GALK2: variants seen among roughly 807,000 people sequenced by gnomAD.
GALK2 encodes the protein galactokinase 2.
GALK2 carries 36 observed loss-of-function variants against 52.4 expected under a neutral mutation model. The ratio of observed to expected loss-of-function variants is 0.69; its 90% confidence interval spans 0.53 to 0.91. The LOEUF is 0.91. GALK2 is among the 40% of genes least tolerant of loss of function. The pLI, the probability that GALK2 is intolerant of heterozygous loss-of-function variation, is 0.00. For missense variants in GALK2, 579 were observed against 559.1 expected (o/e 1.04, Z -0.36); for synonymous variants, 176 against 199.1 (o/e 0.88, Z 0.98).
intron 2 of GALK2, among the ~76,000 whole-genome samples, chr15:49,212,760 G>A (rs2089031720): frequency 6.6e-6 from 1 of 151,992 alleles, no homozygotes; most frequent in Admixed American, 6.5e-5. Flanking sequence ...TTGGCCCACT[G>A]GTCATTCAGG....
chr15:49,156,953 C>G (rs2084478422), intron 1 of GALK2: 1 of 350,410 alleles, frequency 2.9e-6, no homozygotes, highest in South Asian at 2.4e-5. Flanking sequence ...GTTTAATGCT[C>G]TCATTGTGAG....
At chr15:49,225,238 G>A in intron 3 of GALK2, 1 of 455,970 alleles carries the variant, frequency 2.2e-6, no homozygotes, top group South Asian at 1.5e-5. Flanking sequence ...TCAGGCAGAG[G>A]CTATGACCTG....
At position 49,239,365 on chromosome 15, in the gene GALK2, A is replaced by C; in HGVS notation, c.502A>C (p.Lys168Gln). Residue 168 changes from lysine (K) to glutamine (Q), a missense_variant and splice_region_variant, in exon 5 of 10, where the codon AAG becomes CAG. Physicochemically the swap from Lys to Gln is moderately conservative, Grantham distance 53 (BLOSUM62 1). Transcript: ENST00000560031. ...CACAGTGCTGGGAAGGAATCTATCC[A>C]AGGTAACTACCTTTGATAGGAAACC... ...TLTVLGRNLS[K>Q]VELAEICAKS... is the part of the protein sequence containing the mutation. 1.2e-6 allele frequency: 2 copies of C among 1,613,756 alleles called. No homozygotes were observed. The highest frequency in any genetic ancestry group is 1.7e-6 in the Non-Finnish European group (2 of 1,179,802).
At chr15:49,256,493 T>C (rs998778314) in intron 5 of GALK2, among the ~76,000 whole-genome samples, 1 of 152,198 alleles carries the variant, frequency 6.6e-6, no homozygotes, top group Non-Finnish European at 1.5e-5. Context: ...GTTTCTCTAG[T>C]CATGTAGTTA....
chr15:49,224,310 T>C (rs984542152), intron 3 of GALK2, among the ~76,000 whole-genome samples: 3 of 152,226 alleles, frequency 2.0e-5, no homozygotes, highest in African/African-American at 7.2e-5. Flanking sequence ...ACTCTGTTGA[T>C]AGTTTCTTTC....
At chr15:49,220,002 G>A (rs1246324461) in intron 3 of GALK2, among the ~76,000 whole-genome samples, 1 of 143,338 alleles carries the variant, frequency 7.0e-6, no homozygotes, top group African/African-American at 2.6e-5. Context: ...TATATTCTTT[G>A]TTGAAGCGTC....
At chr15:49,361,799 T>A (rs1233035736) in intron 3 of GALK2, among the ~76,000 whole-genome samples, 1 of 152,088 alleles carries the variant, frequency 6.6e-6, no homozygotes, top group Non-Finnish European at 1.5e-5. Flanking sequence ...AATTCTGCTT[T>A]CAGTTCTTTG....
chr15:49,348,553 C>T (rs887549600), intron 3 of GALK2, among the ~76,000 whole-genome samples: 2 of 152,178 alleles, frequency 1.3e-5, no homozygotes, highest in African/African-American at 4.8e-5. Flanking sequence ...AATTTTGGAG[C>T]ACCTCACAGA....
At chr15:49,248,388 T>G (rs1043618031) in intron 5 of GALK2, among the ~76,000 whole-genome samples, 19 of 152,188 alleles carry the variant, frequency 1.2e-4, no homozygotes, top group Non-Finnish European at 2.5e-4. Context: ...AAATAGTAGT[T>G]TAAACCATTC....
rs770229502 is a variant in GALK2, at chr15:49,292,548, T to C, written c.967+11T>C. 1.2e-6 allele frequency: 2 copies of C among 1,608,338 alleles called. No homozygotes were observed. The highest frequency in any genetic ancestry group is 1.7e-5 in the Admixed American group (1 of 59,858). On this transcript the variant is annotated intron_variant, in intron 8 of 9. Transcript: ENST00000560031. ...CAAACACTCAAGATGGTGAGTTGGC[T>C]GGAGAAAGTATGATATATGTTATTC...
intron 4 of GALK2, among the ~76,000 whole-genome samples, chr15:49,236,970 A>C (rs2090845240): frequency 6.6e-6 from 1 of 152,208 alleles, no homozygotes; most frequent in Admixed American, 6.6e-5. Context: ...CCTTTCTCTC[A>C]GACACATGGT....
intron 2 of GALK2, among the ~76,000 whole-genome samples, chr15:49,214,575 C>T (rs1433382559): frequency 1.3e-5 from 2 of 151,150 alleles, no homozygotes; most frequent in African/African-American, 2.4e-5. Context: ...CTCCTGACCT[C>T]GTGATCTTCC....
chr15:49,300,319 C>T (rs1388533127), intron 8 of GALK2, among the ~76,000 whole-genome samples: 1 of 151,940 alleles, frequency 6.6e-6, no homozygotes. Context: ...TACTTTGAGC[C>T]TACATGTGTC....
chr15:49,218,579 G>T (rs565506729), intron 3 of GALK2, among the ~76,000 whole-genome samples: 1 of 152,116 alleles, frequency 6.6e-6, no homozygotes, highest in Non-Finnish European at 1.5e-5. Flanking sequence ...CCTGCTAGAG[G>T]CAGGAGGCTT....
rs183088402 is a variant in GALK2, at chr15:49,292,398, G to T, written c.828G>T (p.Gly276=). The change falls in exon 8 of 10, where the codon GGG becomes GGT. Residue 276 remains glycine, a synonymous_variant. Transcript: ENST00000560031. The stretch of plus-strand genomic sequence containing the variant: ...TGGAGGAGGTGCAGGCTAAACTAGG[G>T]ATTAGTCTAGAAGAAATGCTGTTGG... The part of the protein sequence containing the change: ...LRLEEVQAKL[G]ISLEEMLLVT... 1 of 1,613,986 alleles carries T rather than the reference G, an allele frequency of 6.2e-7. No individual in the cohort carries two copies. The highest frequency in any genetic ancestry group is 1.1e-5 in the South Asian group (1 of 91,078).
chr15:49,158,819 G>A (rs2084542746), intron 1 of GALK2: 1 of 114,934 alleles, frequency 8.7e-6, no homozygotes. Flanking sequence ...AGCAGCATAG[G>A]TCAATATTTG....
At chr15:49,195,256 A>G (rs1339176951) in intron 1 of GALK2, 3 of 334,288 alleles carry the variant, frequency 9.0e-6, no homozygotes, top group Non-Finnish European at 1.8e-5. Flanking sequence ...TATTTTTAGT[A>G]GAGATGGTGT....
At chr15:49,354,504 G>T (rs921599201) in intron 3 of GALK2, among the ~76,000 whole-genome samples, 16 of 152,188 alleles carry the variant, frequency 1.1e-4, no homozygotes, top group Non-Finnish European at 7.3e-5. Context: ...CTGGAAAATC[G>T]TGTCACTCCC....
chr15:49,285,977 T>TGAGACTCATTCTCATCTCA (rs2033308927), intron 7 of GALK2, among the ~76,000 whole-genome samples: 1 of 152,182 alleles, frequency 6.6e-6, no homozygotes, highest in South Asian at 2.1e-4. Flanking sequence ...ACTCCAGCCA[T>TGAGACTCATTCTCATCTCA]GAGACTCATT....
Sources: allele counts gnomAD v4.1 joint callset (sites outside exome capture counted in the v4.1 genomes callset), GRCh38; gene constraint gnomAD v4.1.1; transcripts MANE v1.5; gene names NCBI Gene and HGNC (gene_info 2026-07-23, HGNC 2026-07-21).